SEPTIN9: variants seen among roughly 807,000 people sequenced by gnomAD.
SEPTIN9 encodes the protein septin 9.
SEPTIN9 carries 13 observed loss-of-function variants against 56.6 expected under a neutral mutation model. That is an observed-to-expected ratio of 0.23 (90% CI 0.15 to 0.37). The LOEUF is 0.37. Among genes scored for constraint, SEPTIN9 ranks in the 10% least tolerant of loss-of-function variants. The pLI is 1.00. For missense variants in SEPTIN9, 650 were observed against 823.1 expected (o/e 0.79, Z 2.57); for synonymous variants, 332 against 334.1 (o/e 0.99, Z 0.07).
chr17:77,306,525 A>G (rs2032273873), intron 1 of SEPTIN9, among the ~76,000 whole-genome samples: 1 of 152,248 alleles, frequency 6.6e-6, no homozygotes, highest in Non-Finnish European at 1.5e-5. Flanking sequence ...GAGGGAGCGC[A>G]TGCCGCGGGA....
At chr17:77,314,444 A>G (rs749676689) in intron 2 of SEPTIN9, among the ~76,000 whole-genome samples, 117 of 147,682 alleles carry the variant, frequency 7.9e-4, no homozygotes, top group Middle Eastern at 7.1e-3. Flanking sequence ...TTGGCCTCCC[A>G]AAGTGTTGGA....
chr17:77,334,604 T>A (rs1192074753), intron 2 of SEPTIN9, among the ~76,000 whole-genome samples: 1 of 152,072 alleles, frequency 6.6e-6, no homozygotes, highest in Non-Finnish European at 1.5e-5. Context: ...ATTTATCAAC[T>A]TTTTCCAGTT....
At chr17:77,443,936 A>G (rs2037642427) in intron 3 of SEPTIN9, among the ~76,000 whole-genome samples, 1 of 152,226 alleles carries the variant, frequency 6.6e-6, no homozygotes, top group Non-Finnish European at 1.5e-5. Flanking sequence ...GAGACCCACA[A>G]ACATAGACTG....
chr17:77,485,062 GGT>G (rs1331384934), intron 4 of SEPTIN9, among the ~76,000 whole-genome samples: 12 of 129,618 alleles, frequency 9.3e-5, no homozygotes, highest in East Asian at 2.5e-4. Flanking sequence ...TTGTGGTGGT[GGT>G]AATGGTGATG....
intron 1 of SEPTIN9, among the ~76,000 whole-genome samples, chr17:77,297,565 G>T (rs1416077814): frequency 6.6e-6 from 1 of 152,202 alleles, no homozygotes; most frequent in African/African-American, 2.4e-5. Context: ...CATGGTGATG[G>T]TCTCCATCCC....
At chr17:77,355,947 A>G (rs1045230936) in intron 2 of SEPTIN9, among the ~76,000 whole-genome samples, 1 of 133,612 alleles carries the variant, frequency 7.5e-6, no homozygotes, top group African/African-American at 2.8e-5. Flanking sequence ...GCGTCACTGC[A>G]CTCCAGCCTG....
chr17:77,332,958 A>G (rs185399122), intron 2 of SEPTIN9, among the ~76,000 whole-genome samples: 11 of 152,284 alleles, frequency 7.2e-5, no homozygotes, highest in African/African-American at 2.4e-4. Flanking sequence ...TTCTGTGCAT[A>G]TGGGCGTTCA....
chr17:77,287,376 T>G (rs1207361170), intron 1 of SEPTIN9, among the ~76,000 whole-genome samples: 1 of 152,240 alleles, frequency 6.6e-6, no homozygotes, highest in African/African-American at 2.4e-5. Flanking sequence ...GGCCTGGCAT[T>G]GGCCTGCTCT....
chr17:77,416,375 G>A (rs1183478368), intron 3 of SEPTIN9, among the ~76,000 whole-genome samples: 2 of 152,190 alleles, frequency 1.3e-5, no homozygotes, highest in Admixed American at 1.3e-4. Flanking sequence ...TCCAACCCGT[G>A]GTTTTGCTGC....
chr17:77,401,920 A>T, intron 2 of SEPTIN9, 139 bp from the exon 3 acceptor site: 1 of 790,028 alleles, frequency 1.3e-6, no homozygotes, highest in Non-Finnish European at 2.0e-6. Context: ...CCGCTTGCTG[A>T]GACATGAAGG....
chr17:77,458,262 C>T (rs1302817908), intron 3 of SEPTIN9, among the ~76,000 whole-genome samples: 1 of 152,216 alleles, frequency 6.6e-6, no homozygotes, highest in Non-Finnish European at 1.5e-5. Flanking sequence ...GGAAGGTGTC[C>T]CGGGTGGGCT....
intron 2 of SEPTIN9, among the ~76,000 whole-genome samples, chr17:77,401,519 G>T (rs1290391576): frequency 1.3e-5 from 2 of 152,140 alleles, no homozygotes; most frequent in Non-Finnish European, 2.9e-5. Context: ...GCCGAGGCGG[G>T]TGGATCGCTT....
intron 3 of SEPTIN9, among the ~76,000 whole-genome samples, chr17:77,459,600 A>G (rs1385298016): frequency 1.3e-5 from 2 of 152,188 alleles, no homozygotes; most frequent in African/African-American, 4.8e-5. Flanking sequence ...AGGCTGTACA[A>G]GTGGTGCCAG....
Position 77,315,476 on chromosome 17 carries a change from C to T in SEPTIN9, c.76+8279C>T, listed in dbSNP as rs184438015. Among the ~76,000 whole-genome samples the T allele has an allele frequency of 5.3e-5, 8 of 152,090 alleles. No homozygotes were observed. The East Asian group carries it at 1.5e-3, about 29-fold the overall frequency. On this transcript the variant is annotated intron_variant, in intron 2 of 11. Coordinates refer to ENST00000427177, the MANE Select transcript of SEPTIN9 (RefSeq NM_001113491.2). ...CTAATTTTTGTATTTTTAGTAGAGA[C>T]GGGGTTTCACCATGTTGGTCAGGCT...
chr17:77,334,702 G>T (rs1050226041), intron 2 of SEPTIN9, among the ~76,000 whole-genome samples: 1 of 151,858 alleles, frequency 6.6e-6, no homozygotes, highest in African/African-American at 2.4e-5. Flanking sequence ...AAATTTTATA[G>T]TTGTATATTC....
rs928982703 is a variant in SEPTIN9, at chr17:77,437,389, A to T, written c.721+34686A>T. 3.3e-5 allele frequency among the ~76,000 whole-genome samples: 5 copies of T among 151,818 alleles called. No homozygotes were observed. In the East Asian group the frequency reaches 9.7e-4, roughly 29 times the overall value. ...GCTCCCTATGGGGAAGCCGGAATGG[A>T]CCTGGGCTCAGAGATTGTAAATTCA... On this transcript the variant is annotated intron_variant, in intron 3 of 11. Transcript: ENST00000427177. The surrounding 1 kb of genome is among the most constrained non-coding windows in gnomAD (Gnocchi z 5.3).
At chr17:77,497,564 A>AAGAT in intron 11 of SEPTIN9, 198 bp downstream of exon 11, 1 of 632,898 alleles carries the variant, frequency 1.6e-6, no homozygotes, top group Admixed American at 2.4e-5. Context: ...GCAGGCAGTG[A>AAGAT]AGATCCTTTT....
intron 1 of SEPTIN9, among the ~76,000 whole-genome samples, chr17:77,305,683 A>G (rs2032231462): frequency 6.6e-6 from 1 of 151,628 alleles, no homozygotes; most frequent in Admixed American, 6.6e-5. Flanking sequence ...TAGTTCCGCG[A>G]AGGATACACT....
rs1245881762 is a variant in SEPTIN9 at position 77,434,478 on chromosome 17, C to CT, written c.721+31776dup. Among the ~76,000 whole-genome samples, 2 of 152,210 alleles carry CT rather than the reference C, an allele frequency of 1.3e-5. No homozygotes were observed. Among genetic ancestry groups the CT allele is most frequent in the African/African-American group, 4.8e-5 (2 of 41,440 alleles). ...GCTAGCATATGAGCCCGTACTGCCTCTGAGTCTGCAGCCTGTTTTCCTTAC... is the reference window on the plus strand; with the variant it reads ...GCTAGCATATGAGCCCGTACTGCCTCTTGAGTCTGCAGCCTGTTTTCCTTAC... On this transcript the variant is annotated intron_variant, in intron 3 of 11. Coordinates refer to ENST00000427177, the MANE Select transcript of SEPTIN9 (RefSeq NM_001113491.2). The surrounding 1 kb of genome is among the most constrained non-coding windows in gnomAD (Gnocchi z 5.0).
Sources: allele counts gnomAD v4.1 joint callset (sites outside exome capture counted in the v4.1 genomes callset), GRCh38; gene constraint gnomAD v4.1.1; non-coding constraint Gnocchi (gnomAD v3.1); transcripts MANE v1.5; gene names NCBI Gene and HGNC (gene_info 2026-07-23, HGNC 2026-07-21).